Variants in CSMD1 observed in about 807,000 individuals in gnomAD.
CSMD1 encodes CUB and sushi domain-containing protein 1.
A neutral mutation model predicts 417.5 loss-of-function variants in CSMD1; 213 were observed. That is an observed-to-expected ratio of 0.51 (90% CI 0.46 to 0.57). The LOEUF (loss-of-function observed/expected upper bound fraction) is 0.57. Among genes scored for constraint, CSMD1 ranks in the 20% least tolerant of loss-of-function variants. The pLI, the probability that CSMD1 is intolerant of heterozygous loss-of-function variation, is 0.00. For missense variants in CSMD1, 6,923 were observed against 4,529.7 expected (o/e 1.53, Z -15.17); for synonymous variants, 2,862 against 1,736.8 (o/e 1.65, Z -16.11).
intron 1 of CSMD1, among the ~76,000 whole-genome samples, chr8:4,731,431 G>C (rs571493681): frequency 8.6e-5 from 13 of 152,042 alleles, no homozygotes; most frequent in Non-Finnish European, 1.8e-4. Context: ...GGAGTATCTT[G>C]GTCATTTATA....
intron 37 of CSMD1, among the ~76,000 whole-genome samples, chr8:3,175,473 TTCCCTTCC>T (rs1192381282): frequency 4.6e-5 from 1 of 21,594 alleles, no homozygotes; most frequent in East Asian, 2.2e-3. Flanking sequence ...CTTCCTTCTT[TTCCCTTCC>T]TTCCTGCCTG....
chr8:4,455,980 G>C (rs530111517), intron 2 of CSMD1, among the ~76,000 whole-genome samples: 2 of 30,324 alleles, frequency 6.6e-5, no homozygotes, highest in Non-Finnish European at 1.4e-4. Context: ...TAAGATATTA[G>C]AAGACAAACA....
intron 3 of CSMD1, among the ~76,000 whole-genome samples, chr8:4,197,670 G>A (rs529081078): frequency 6.6e-6 from 1 of 152,170 alleles, no homozygotes; most frequent in Non-Finnish European, 1.5e-5. Context: ...TTTGAGGCCA[G>A]GAGTTTGAGG....
chr8:3,615,464 G>C (rs576633055), intron 8 of CSMD1, among the ~76,000 whole-genome samples: 2 of 152,208 alleles, frequency 1.3e-5, no homozygotes, highest in East Asian at 1.9e-4. Flanking sequence ...ATGGATTTCA[G>C]CGAAAACACA....
intron 31 of CSMD1, among the ~76,000 whole-genome samples, chr8:3,203,009 C>A (rs1162486543): frequency 1.3e-5 from 2 of 152,096 alleles, no homozygotes; most frequent in Non-Finnish European, 2.9e-5. Flanking sequence ...ACCACCTCCC[C>A]AAGTTCATTA....
At chr8:2,950,821 GAAAT>G (rs1177559600) in intron 66 of CSMD1, among the ~76,000 whole-genome samples, 1 of 152,118 alleles carries the variant, frequency 6.6e-6, no homozygotes, top group Non-Finnish European at 1.5e-5. Context: ...AAAGTATTAA[GAAAT>G]AAAGTTTGGA....
intron 1 of CSMD1, among the ~76,000 whole-genome samples, chr8:4,899,989 G>A (rs557356382): frequency 1.2e-4 from 18 of 152,148 alleles, no homozygotes; most frequent in Non-Finnish European, 2.4e-4. Context: ...TTTAGTCTAA[G>A]TAGGATGTCT....
intron 3 of CSMD1, among the ~76,000 whole-genome samples, chr8:4,052,248 G>T (rs1798471527): frequency 1.3e-5 from 2 of 152,158 alleles, no homozygotes; most frequent in African/African-American, 2.4e-5. Context: ...TTCTGAGAGG[G>T]TGGGAGTCCA....
rs769584987 is a variant in CSMD1, at chr8:2,966,605, T to C, written c.9065A>G (p.Asn3022Ser). The change falls in exon 58 of 70, where the codon AAT (asparagine) becomes AGT (serine). Residue 3022 changes from asparagine (N) to serine (S), a missense_variant. Coordinates refer to ENST00000635120, the MANE Select transcript of CSMD1 (RefSeq NM_033225.6). ...GGGAGCAGTGCCTGTCCAGGTCCCA[T>C]TGGCTGTGCAATGCCGTGTCATGAG... ...SGLMTRHCTA[N>S]GTWTGTAPDC... 14 of 1,613,698 alleles carry C rather than the reference T, an allele frequency of 8.7e-6. No individual in the cohort carries two copies. Among genetic ancestry groups the C allele is most frequent in the African/African-American group, 5.3e-5 (4 of 74,922 alleles).
intron 1 of CSMD1, among the ~76,000 whole-genome samples, chr8:4,707,886 C>CAAAAAAAAAAAAAAA (rs552510236): frequency 6.9e-5 from 7 of 100,852 alleles, no homozygotes; most frequent in Middle Eastern, 5.9e-3. Flanking sequence ...GACTTTGTTT[C>CAAAAAAAAAAAAAAA]AAAAAAAAAA....
intron 1 of CSMD1, among the ~76,000 whole-genome samples, chr8:4,818,550 G>C (rs1799337803): frequency 6.6e-6 from 1 of 152,106 alleles, no homozygotes; most frequent in Non-Finnish European, 1.5e-5. Flanking sequence ...TGAATCCAGA[G>C]ACACACACAC....
intron 3 of CSMD1, among the ~76,000 whole-genome samples, chr8:4,281,747 C>A (rs900263459): frequency 6.6e-6 from 1 of 152,144 alleles, no homozygotes; most frequent in Admixed American, 6.6e-5. Context: ...AATGTCTCTA[C>A]TTGTTTTCAA....
intron 3 of CSMD1, among the ~76,000 whole-genome samples, chr8:4,094,852 G>C (rs1020222007): frequency 1.3e-5 from 2 of 152,222 alleles, no homozygotes; most frequent in African/African-American, 2.4e-5. Flanking sequence ...AGCATAGTTG[G>C]TGATGTGTTT....
At chr8:3,370,081 C>G (rs1809853467) in intron 18 of CSMD1, among the ~76,000 whole-genome samples, 1 of 152,196 alleles carries the variant, frequency 6.6e-6, no homozygotes, top group Non-Finnish European at 1.5e-5. Flanking sequence ...CTGATAGATA[C>G]TGATCAAAAC....
intron 1 of CSMD1, among the ~76,000 whole-genome samples, chr8:4,919,215 G>T (rs902308560): frequency 6.6e-6 from 1 of 152,118 alleles, no homozygotes; most frequent in African/African-American, 2.4e-5. Flanking sequence ...AAAACACTTT[G>T]TAATTTAGTC....
intron 10 of CSMD1, among the ~76,000 whole-genome samples, chr8:3,503,147 C>T (rs994226679): frequency 3.3e-5 from 5 of 152,088 alleles, no homozygotes; most frequent in Non-Finnish European, 7.4e-5. Context: ...TGTGAAATTA[C>T]AAAGACTGAA....
chr8:4,826,587 A>C (rs180858773), intron 1 of CSMD1, among the ~76,000 whole-genome samples: 5 of 152,248 alleles, frequency 3.3e-5, no homozygotes, highest in African/African-American at 9.6e-5. Context: ...TGTCCACCTT[A>C]AACAACTGAT....
chr8:3,122,035 C>G (rs1340067023), intron 41 of CSMD1, among the ~76,000 whole-genome samples: 1 of 151,674 alleles, frequency 6.6e-6, no homozygotes, highest in African/African-American at 2.4e-5. Context: ...TGGCAAAAAC[C>G]TCAATTGCCT....
chr8:3,891,389 T>C (rs978127270), intron 5 of CSMD1, among the ~76,000 whole-genome samples: 4 of 151,946 alleles, frequency 2.6e-5, no homozygotes, highest in African/African-American at 9.7e-5. Flanking sequence ...AATTCCAAAA[T>C]CCATCCGAGG....
Sources: gnomAD v4.1 joint callset for allele counts (sites outside exome capture counted in the v4.1 genomes callset) on GRCh38, gnomAD v4.1.1 for gene constraint, MANE v1.5 for transcripts, NCBI Gene and HGNC (gene_info 2026-07-23, HGNC 2026-07-21) for gene names.